Variants in PLCE1 observed in about 807,000 individuals in gnomAD.
PLCE1 encodes 1-phosphatidylinositol 4,5-bisphosphate phosphodiesterase epsilon-1.
Under a neutral mutation model 242.8 loss-of-function variants are expected in PLCE1, and 119 were observed. The ratio of observed to expected loss-of-function variants is 0.49; its 90% CI spans 0.42 to 0.57. PLCE1 has a LOEUF of 0.57. Ranked by LOEUF, PLCE1 falls within the 20% of genes least tolerant of loss-of-function variation. The pLI, the probability that PLCE1 is intolerant of heterozygous loss-of-function variation, is 0.00. For missense variants in PLCE1, 2,441 were observed against 2,788.8 expected, an observed-to-expected ratio of 0.88 and a Z score of 2.81; for synonymous variants, 945 against 1,017.4, an observed-to-expected ratio of 0.93 and a Z score of 1.35.
chr10:94,004,110 C>T (rs1192288812), intron 1 of PLCE1, among the ~76,000 whole-genome samples: 1 of 151,706 alleles, frequency 6.6e-6, no homozygotes, highest in Non-Finnish European at 1.5e-5. Context: ...CGCGCCACTG[C>T]ACTCCAGCGT....
chr10:94,113,625 C>T (rs745544475), intron 2 of PLCE1, among the ~76,000 whole-genome samples: 11 of 152,190 alleles, frequency 7.2e-5, no homozygotes, highest in Non-Finnish European at 1.3e-4. Context: ...CTCCATTTTA[C>T]TATTTTGAAA....
intron 23 of PLCE1, among the ~76,000 whole-genome samples, chr10:94,294,455 C>T (rs2052739541): frequency 6.6e-6 from 1 of 152,064 alleles, no homozygotes; most frequent in Non-Finnish European, 1.5e-5. Flanking sequence ...TTAAGATAAT[C>T]CAAATGGGAT....
rs1176017028 is a variant in PLCE1, at chr10:94,328,499, C to T, written c.*556C>T. Reference sequence around the variant, plus strand: ...TCTTAATTCAGGGGCCATACAAAAACAGGTGGCAGGCTAGATTTGGCCCAA... The same window carrying T: ...TCTTAATTCAGGGGCCATACAAAAATAGGTGGCAGGCTAGATTTGGCCCAA... On this transcript the variant is annotated 3_prime_UTR_variant, in exon 33 of 33. Coordinates refer to ENST00000371380, the MANE Select transcript of PLCE1 (RefSeq NM_016341.4). 1 of 152,242 alleles carries T rather than the reference C, an allele frequency of 6.6e-6. No individual in the cohort carries two copies. Among genetic ancestry groups the T allele is most frequent in the Admixed American group, 6.5e-5 (1 of 15,302 alleles). The allele number at this position is 152,242 out of a possible 1,614,324, so 9.4% of individuals were successfully genotyped here. A position where few individuals can be genotyped will look rare whatever the true frequency, so the allele number is the denominator to read the frequency against.
intron 23 of PLCE1, among the ~76,000 whole-genome samples, 168 bp downstream of exon 23, chr10:94,293,807 AC>A (rs532237751): frequency 3.3e-5 from 5 of 152,292 alleles, no homozygotes; most frequent in African/African-American, 1.2e-4. Flanking sequence ...CTTTTAACGT[AC>A]TAAAAACAGC....
intron 4 of PLCE1, among the ~76,000 whole-genome samples, chr10:94,206,142 G>A (rs1178704319): frequency 6.6e-6 from 1 of 152,186 alleles, no homozygotes; most frequent in Non-Finnish European, 1.5e-5. Flanking sequence ...GTCGAGTGAT[G>A]AGGGAAAGCC....
chr10:94,131,200 T>C (rs201217325), intron 2 of PLCE1, among the ~76,000 whole-genome samples: 1 of 152,354 alleles, frequency 6.6e-6, no homozygotes, highest in East Asian at 1.9e-4. Context: ...CCTCACTGCA[T>C]GTTATGTGTC....
In PLCE1 at chr10:94,055,073, T is replaced by C. The variant is rs569612467; in HGVS notation, c.1206+22821T>C. Among the ~76,000 whole-genome samples, 4 of 146,610 alleles carry C rather than the reference T, an allele frequency of 2.7e-5. No individual in the cohort carries two copies. The East Asian group carries it at 6.1e-4, about 22-fold the overall frequency. ...AACACAATACAAGGGCAAGCCTAAA[T>C]AGATTACAGAGTCACTTTTAAGGAG... is the stretch of plus-strand genomic sequence containing the variant. On this transcript the variant is annotated intron_variant, in intron 2 of 32. Coordinates refer to ENST00000371380, the MANE Select transcript of PLCE1 (RefSeq NM_016341.4).
chr10:94,084,139 C>T (rs2044733715), intron 2 of PLCE1, among the ~76,000 whole-genome samples: 1 of 152,230 alleles, frequency 6.6e-6, no homozygotes, highest in Non-Finnish European at 1.5e-5. Context: ...GCAGTAGCTG[C>T]CAGCAGTTTA....
At chr10:94,294,079 C>G (rs1199762503) in intron 23 of PLCE1, among the ~76,000 whole-genome samples, 1 of 151,930 alleles carries the variant, frequency 6.6e-6, no homozygotes, top group African/African-American at 2.4e-5. Flanking sequence ...TGTACCCCAG[C>G]CTGGGTGACA....
intron 2 of PLCE1, among the ~76,000 whole-genome samples, chr10:94,103,833 A>AAC (rs138061735): frequency 0.063 from 9,640 of 152,254 alleles, 1,008 homozygotes; most frequent in African/African-American, 0.22. Context: ...AACTCAAGCA[A>AAC]AGTCATTTGA....
intron 2 of PLCE1, among the ~76,000 whole-genome samples, chr10:94,130,684 G>C (rs533763093): frequency 1.3e-5 from 2 of 152,302 alleles, no homozygotes; most frequent in African/African-American, 4.8e-5. Context: ...GAGAATTAAA[G>C]GTAAGAATCA....
chr10:94,163,542 A>T (rs1476814907), intron 3 of PLCE1, among the ~76,000 whole-genome samples: 1 of 151,904 alleles, frequency 6.6e-6, no homozygotes, highest in African/African-American at 2.4e-5. Context: ...TTTTGAGCCT[A>T]TGTGTGTCTC....
At chr10:94,188,597 G>T (rs1270204413) in intron 4 of PLCE1, among the ~76,000 whole-genome samples, 1 of 151,898 alleles carries the variant, frequency 6.6e-6, no homozygotes, top group East Asian at 1.9e-4. Flanking sequence ...TCGTTTGTTT[G>T]TTTTGTTTTG....
chr10:94,324,869 TG>T (rs2053952369), intron 31 of PLCE1, 22 bp from the exon 32 acceptor site: 1 of 1,611,644 alleles, frequency 6.2e-7, no homozygotes, highest in South Asian at 1.1e-5. Flanking sequence ...CTAACACCAA[TG>T]GAAGGTTCTT....
At chr10:94,004,245 C>T (rs921731476) in intron 1 of PLCE1, among the ~76,000 whole-genome samples, 1 of 152,144 alleles carries the variant, frequency 6.6e-6, no homozygotes, top group African/African-American at 2.4e-5. Context: ...TAGACACCAT[C>T]CTTGAGGATT....
intron 22 of PLCE1, among the ~76,000 whole-genome samples, chr10:94,285,655 T>C (rs1004927300): frequency 6.6e-6 from 1 of 152,154 alleles, no homozygotes; most frequent in African/African-American, 2.4e-5. Context: ...CTTCCAGAAC[T>C]TCCCGCAGAA....
chr10:94,147,416 T>G (rs755709110), intron 3 of PLCE1, among the ~76,000 whole-genome samples: 2 of 150,518 alleles, frequency 1.3e-5, no homozygotes, highest in Non-Finnish European at 2.9e-5. Flanking sequence ...AGGGAGACCT[T>G]GCCTTGAAAG....
At chr10:94,083,258 G>A (rs1589978656) in intron 2 of PLCE1, among the ~76,000 whole-genome samples, 3 of 152,030 alleles carry the variant, frequency 2.0e-5, no homozygotes, top group East Asian at 1.9e-4. Flanking sequence ...ATAACATCAG[G>A]GTGTATGTGA....
intron 2 of PLCE1, chr10:94,082,206 C>T (rs1454994464): frequency 2.0e-5 from 3 of 152,018 alleles, no homozygotes; most frequent in African/African-American, 7.2e-5. Context: ...CAAAGATCGA[C>T]CTAAAACAAG....
Sources: gnomAD v4.1 joint callset for allele counts (sites outside exome capture counted in the v4.1 genomes callset) on GRCh38, gnomAD v4.1.1 for gene constraint, MANE v1.5 for transcripts, NCBI Gene and HGNC (gene_info 2026-07-23, HGNC 2026-07-21) for gene names.